Variants in IQSEC1 observed in about 807,000 individuals in gnomAD.
The protein encoded by IQSEC1 is IQ motif and Sec7 domain ArfGEF 1, also known as IQ motif and SEC7 domain-containing protein 1.
IQSEC1 carries 31 observed loss-of-function variants against 91.0 expected under a neutral mutation model. That is an observed-to-expected ratio of 0.34 (90% CI 0.26 to 0.46). IQSEC1 has a LOEUF of 0.46. IQSEC1 is among the 20% of genes least tolerant of loss of function. The pLI is 1.00. For missense variants in IQSEC1, 1,388 were observed against 1,575.6 expected, an observed-to-expected ratio of 0.88 and a Z score of 2.02; for synonymous variants, 699 against 662.6, an observed-to-expected ratio of 1.05 and a Z score of -0.84.
chr3:13,016,568 G>T (rs573597856), intron 1 of IQSEC1, among the ~76,000 whole-genome samples: 1 of 152,058 alleles, frequency 6.6e-6, no homozygotes, highest in Non-Finnish European at 1.5e-5. Context: ...CCGCCCTCTC[G>T]ACTCCTGCCA....
chr3:13,053,157 T>C, intron 1 of IQSEC1: 3 of 763,808 alleles, frequency 3.9e-6, no homozygotes, highest in East Asian at 2.5e-5. Context: ...ACCACGATGA[T>C]GGAGAAAGGA....
chr3:12,972,146 C>T (rs1167889087), intron 1 of IQSEC1, among the ~76,000 whole-genome samples: 1 of 149,496 alleles, frequency 6.7e-6, no homozygotes, highest in Non-Finnish European at 1.5e-5. Flanking sequence ...CCCATCTCTA[C>T]AAAAAAACAG....
chr3:12,922,262 C>T lies in IQSEC1; in HGVS notation c.1731-20G>A. 1.9e-6 allele frequency: 3 copies of T among 1,558,948 alleles called. No individual in the cohort carries two copies. The highest frequency in any genetic ancestry group is 2.4e-5 in the East Asian group (1 of 42,288). Reference sequence around the variant, plus strand: ...ACGCAGCTGGAATAGAGACAGACAGCCCCGCATAAGCACCCCTTGCAGGTG... The same window carrying T: ...ACGCAGCTGGAATAGAGACAGACAGTCCCGCATAAGCACCCCTTGCAGGTG... On this transcript the variant is annotated intron_variant, in intron 4 of 13. Transcript: ENST00000613206. The surrounding 1 kb of genome is among the most constrained non-coding windows in gnomAD (Gnocchi z 5.1).
At chr3:13,024,651 C>T (rs536120813) in intron 1 of IQSEC1, among the ~76,000 whole-genome samples, 1 of 151,642 alleles carries the variant, frequency 6.6e-6, no homozygotes, top group Non-Finnish European at 1.5e-5. Flanking sequence ...GTCCATCATC[C>T]ATCCACCCAT....
At chr3:13,140,353 G>T (rs1706780235) in intron 2 of IQSEC1, among the ~76,000 whole-genome samples, 1 of 152,210 alleles carries the variant, frequency 6.6e-6, no homozygotes, top group Non-Finnish European at 1.5e-5. Flanking sequence ...CAATGGAGCA[G>T]GGATTCAAAG....
At chr3:12,952,434 G>A (rs763904945) in intron 1 of IQSEC1, among the ~76,000 whole-genome samples, 1 of 152,140 alleles carries the variant, frequency 6.6e-6, no homozygotes, top group African/African-American at 2.4e-5. Flanking sequence ...CACAGAGCCC[G>A]CATCTGCCAG....
In IQSEC1 at chr3:12,909,380, A is replaced by G. The variant is rs766262541; in HGVS notation, c.2471T>C (p.Val824Ala). The change falls in exon 11 of 14, where the codon GTG (valine) becomes GCG (alanine). Residue 824 changes from valine (V) to alanine (A), a missense_variant. This residue lies in a region of IQSEC1 where 1,059 missense variants were observed against 1,317.8 expected (regional missense o/e 0.80). Transcript: ENST00000613206. The surrounding 1 kb of genome is among the most constrained non-coding windows in gnomAD (Gnocchi z 4.9). ...GTTGGGGGCGTTGAAGTTTATTAAC[A>G]CTTTGATATCTGCTCCGGGGACAGA... ...TSSVPGADIK[V>A]LINFNAPNPQ... 1 of 1,614,126 alleles carries G rather than the reference A, an allele frequency of 6.2e-7. No individual in the cohort carries two copies. The highest frequency in any genetic ancestry group is 8.5e-7 in the Non-Finnish European group (1 of 1,180,026).
chr3:13,054,786 A>C (rs1362699409), intron 1 of IQSEC1, among the ~76,000 whole-genome samples: 1 of 152,180 alleles, frequency 6.6e-6, no homozygotes, highest in East Asian at 1.9e-4. Context: ...TGCCAGTGTC[A>C]CACGGTGGGA....
chr3:12,953,297 C>A (rs1238073707), intron 1 of IQSEC1, among the ~76,000 whole-genome samples: 1 of 152,222 alleles, frequency 6.6e-6, no homozygotes, highest in African/African-American at 2.4e-5. Context: ...ACCCGATCCG[C>A]GAGGGACACT....
chr3:13,047,626 G>T, intron 1 of IQSEC1: 2 of 441,974 alleles, frequency 4.5e-6, no homozygotes, highest in Non-Finnish European at 6.0e-6. Context: ...CCCAGGACAG[G>T]TCCTGGGGCA....
At chr3:13,065,388 C>T (rs360874) in intron 1 of IQSEC1, among the ~76,000 whole-genome samples, 63,317 of 152,110 alleles carry the variant, frequency 0.42, 14,205 homozygotes, top group East Asian at 0.67. Flanking sequence ...ACAATATGTG[C>T]AGCCTTTTTT....
At chr3:13,248,347 G>A (rs1333110196) in intron 1 of IQSEC1, among the ~76,000 whole-genome samples, 2 of 152,130 alleles carry the variant, frequency 1.3e-5, no homozygotes, top group Non-Finnish European at 2.9e-5. Context: ...GAGGATCCCC[G>A]AGCTCTGGAC....
At chr3:13,178,246 C>T (rs1693774403) in intron 1 of IQSEC1, among the ~76,000 whole-genome samples, 1 of 152,254 alleles carries the variant, frequency 6.6e-6, no homozygotes, top group East Asian at 1.9e-4. Flanking sequence ...TGGAGATTCA[C>T]TGGTGGCCAG....
chr3:13,214,032 C>A lies in IQSEC1; in HGVS notation c.273-49899G>T, dbSNP rs1694495519. Among the ~76,000 whole-genome samples the A allele has an allele frequency of 6.6e-6, 1 of 152,174 alleles. No homozygotes were observed. The highest frequency in any genetic ancestry group is 1.5e-5 in the Non-Finnish European group (1 of 68,034). The stretch of plus-strand genomic sequence containing the variant: ...GCTCTTCCTGGTCCCTCCCCGCCAC[C>A]CGGCTCCTTCCTCTGATAGGCCTGT... On this transcript the variant is annotated intron_variant, in intron 1 of 15. Coordinates refer to the IQSEC1 transcript ENST00000648114. This position sits in a 1 kb window ranked among gnomAD's most constrained non-coding sequence, Gnocchi z 4.5.
intron 2 of IQSEC1, among the ~76,000 whole-genome samples, chr3:13,122,840 G>C (rs1450726361): frequency 1.3e-5 from 2 of 152,152 alleles, no homozygotes; most frequent in African/African-American, 4.8e-5. Context: ...GACCCTCGAG[G>C]GGGAGGCAGC....
chr3:13,071,686 C>T (rs972244059), intron 1 of IQSEC1, among the ~76,000 whole-genome samples: 1 of 152,230 alleles, frequency 6.6e-6, no homozygotes, highest in African/African-American at 2.4e-5. Flanking sequence ...AGCAAGTGAG[C>T]ATCACAGCGA....
chr3:13,004,510 AC>A (rs1702552220), intron 1 of IQSEC1, among the ~76,000 whole-genome samples: 1 of 151,946 alleles, frequency 6.6e-6, no homozygotes, highest in African/African-American at 2.4e-5. Flanking sequence ...TGTCTGAATC[AC>A]CTCTGTGCAC....
chr3:13,022,402 C>CT, intron 1 of IQSEC1: 2 of 1,101,110 alleles, frequency 1.8e-6, no homozygotes, highest in Non-Finnish European at 2.2e-6. Context: ...GACCCTGTGG[C>CT]TTCTGCACAA....
intron 10 of IQSEC1, among the ~76,000 whole-genome samples, chr3:12,910,069 T>C (rs986517080): frequency 6.6e-6 from 1 of 152,244 alleles, no homozygotes; most frequent in East Asian, 1.9e-4. Flanking sequence ...CATGTATGTA[T>C]ATGCAGCCCA....
Sources: gnomAD v4.1 joint callset for allele counts (sites outside exome capture counted in the v4.1 genomes callset) on GRCh38, gnomAD v4.1.1 for gene constraint, gnomAD v4.1.1 regional missense constraint, Gnocchi (gnomAD v3.1) non-coding constraint, MANE v1.5 for transcripts, NCBI Gene and HGNC (gene_info 2026-07-23, HGNC 2026-07-21) for gene names.